UBE2D3: variants seen among roughly 807,000 people sequenced by gnomAD.
UBE2D3 encodes the protein ubiquitin conjugating enzyme E2 D3, also known as ubiquitin-conjugating enzyme E2 D3.
In UBE2D3, 2 loss-of-function variants were observed where a neutral mutation model predicts 22.8. The ratio of observed to expected loss-of-function variants is 0.09; its 90% CI spans 0.04 to 0.28. The LOEUF is 0.28. UBE2D3 is among the 10% of genes least tolerant of loss of function. The pLI, the probability that UBE2D3 is intolerant of heterozygous loss-of-function variation, is 1.00. For missense variants in UBE2D3, 27 were observed against 182.5 expected, an observed-to-expected ratio of 0.15 and a Z score of 4.91; for synonymous variants, 56 against 60.4, an observed-to-expected ratio of 0.93 and a Z score of 0.34.
chr4:102,807,900 A>T (rs1225588539), intron 4 of UBE2D3, among the ~76,000 whole-genome samples: 1 of 152,178 alleles, frequency 6.6e-6, no homozygotes, highest in Non-Finnish European at 1.5e-5. Context: ...CAAGCAGAAA[A>T]ACCAACTAGT....
At chr4:102,842,311 G>T (rs896184067) in intron 1 of UBE2D3, among the ~76,000 whole-genome samples, 1 of 151,866 alleles carries the variant, frequency 6.6e-6, no homozygotes, top group African/African-American at 2.4e-5. Flanking sequence ...ATTGCTTTGG[G>T]ATGCCAAAGC....
intron 1 of UBE2D3, among the ~76,000 whole-genome samples, chr4:102,848,921 C>CTG (rs147050383): frequency 0.085 from 12,172 of 142,630 alleles, 566 homozygotes; most frequent in Non-Finnish European, 0.11. Flanking sequence ...TTATGTGTGC[C>CTG]TGTGTGTGTG....
intron 1 of UBE2D3, among the ~76,000 whole-genome samples, chr4:102,851,912 C>T (rs1463336580): frequency 1.3e-5 from 2 of 152,124 alleles, no homozygotes; most frequent in Admixed American, 1.3e-4. Flanking sequence ...TCAGGTGATC[C>T]ACCCACCTCA....
At chr4:102,808,558 T>A (rs950755677) in intron 4 of UBE2D3, among the ~76,000 whole-genome samples, 2 of 152,210 alleles carry the variant, frequency 1.3e-5, no homozygotes, top group Non-Finnish European at 1.5e-5. Flanking sequence ...ACTAACATTT[T>A]AATTACTCTA....
chr4:102,812,724 T>C (rs1349779239), intron 2 of UBE2D3: 1 of 152,170 alleles, frequency 6.6e-6, no homozygotes, highest in African/African-American at 2.4e-5. Flanking sequence ...TGTAGCAGCA[T>C]GGAATAAAAT....
intron 4 of UBE2D3, among the ~76,000 whole-genome samples, chr4:102,802,888 CG>C (rs1726427444): frequency 6.6e-6 from 1 of 152,046 alleles, no homozygotes; most frequent in South Asian, 2.1e-4. Flanking sequence ...TATCCAGAAA[CG>C]CAAGTATTCT....
At chr4:102,843,358 TG>T (rs1300525515) in intron 1 of UBE2D3, 1 of 152,046 alleles carries the variant, frequency 6.6e-6, no homozygotes, top group Non-Finnish European at 1.5e-5. Flanking sequence ...CTGGAAGAGA[TG>T]TAACACCTGA....
At chr4:102,827,384 C>T in intron 1 of UBE2D3, 43 bp downstream of exon 1, 1 of 986,208 alleles carries the variant, frequency 1.0e-6, no homozygotes, top group Non-Finnish European at 1.2e-6. Context: ...GGCCACTGGG[C>T]CGGCCTCCCT....
chr4:102,830,012 CATT>C (rs1320690507), upstream of UBE2D3, among the ~76,000 whole-genome samples: 1 of 152,292 alleles, frequency 6.6e-6, no homozygotes, highest in East Asian at 1.9e-4. Context: ...ATCACAAACT[CATT>C]ATTGTTAGGC....
chr4:102,816,069 G>C (rs2110300728), intron 2 of UBE2D3, among the ~76,000 whole-genome samples: 1 of 152,296 alleles, frequency 6.6e-6, no homozygotes, highest in African/African-American at 2.4e-5. Flanking sequence ...AGTGAGAAAA[G>C]AGTAAGTCAT....
chr4:102,814,612 A>C (rs998045323), intron 2 of UBE2D3, among the ~76,000 whole-genome samples: 1 of 151,876 alleles, frequency 6.6e-6, no homozygotes, highest in African/African-American at 2.4e-5. Context: ...CTGCAGTCTT[A>C]CTTTTAATCT....
intron 1 of UBE2D3, among the ~76,000 whole-genome samples, chr4:102,864,853 A>T (rs1415632970): frequency 6.6e-6 from 1 of 152,222 alleles, no homozygotes; most frequent in Non-Finnish European, 1.5e-5. Context: ...GCAATGGAAG[A>T]GAATAAGCAA....
chr4:102,822,891 G>A (rs1393043099), intron 2 of UBE2D3, among the ~76,000 whole-genome samples: 5 of 147,096 alleles, frequency 3.4e-5, no homozygotes, highest in Non-Finnish European at 6.0e-5. Flanking sequence ...AGCTGAGATC[G>A]CGCCACTGCA....
chr4:102,830,221 C>G (rs893979292), upstream of UBE2D3, among the ~76,000 whole-genome samples: 2 of 151,868 alleles, frequency 1.3e-5, no homozygotes, highest in African/African-American at 4.9e-5. Flanking sequence ...CCTGTTGTTA[C>G]AGAGAGCCCA....
rs1729271962 is a variant in UBE2D3, at chr4:102,819,604, T to C, written c.24+6881A>G. On this transcript the variant is annotated intron_variant, in intron 2 of 7. Coordinates refer to ENST00000453744, the MANE Select transcript of UBE2D3 (RefSeq NM_181891.3). ...AAAGCGTAACGCCATAAATAACTTA[T>C]TCTAGGTTTCATCCCCCCAAGGCTT... The C allele has an allele frequency of 5.1e-6, 5 of 985,290 alleles. No individual in the cohort carries two copies. In the African/African-American group the frequency reaches 8.7e-5, roughly 17 times the overall value. The allele number at this position is 985,290 out of a possible 1,614,324, so 61.0% of individuals were successfully genotyped here. A position where few individuals can be genotyped will look rare whatever the true frequency, so the allele number is the denominator to read the frequency against.
At chr4:102,867,092 C>G (rs1221839515) in intron 1 of UBE2D3, among the ~76,000 whole-genome samples, 1 of 152,174 alleles carries the variant, frequency 6.6e-6, no homozygotes, top group Non-Finnish European at 1.5e-5. Context: ...TGTATCTAAA[C>G]GTGTTTGTAG....
chr4:102,804,328 A>T (rs922985077), intron 4 of UBE2D3, among the ~76,000 whole-genome samples: 8 of 151,760 alleles, frequency 5.3e-5, no homozygotes, highest in Middle Eastern at 3.2e-3. Flanking sequence ...GTGCCCAGCT[A>T]ATTTTTTATT....
intron 2 of UBE2D3, among the ~76,000 whole-genome samples, chr4:102,824,778 C>T (rs1359249273): frequency 6.6e-6 from 1 of 152,188 alleles, no homozygotes; most frequent in East Asian, 1.9e-4. Context: ...CTAATTCCAA[C>T]AGAAAAGATT....
chr4:102,803,998 T>G (rs893396343), intron 4 of UBE2D3, among the ~76,000 whole-genome samples: 1 of 152,124 alleles, frequency 6.6e-6, no homozygotes, highest in African/African-American at 2.4e-5. Context: ...TGCGGCCTCC[T>G]GACCTTGTGA....
Sources: gnomAD v4.1 joint callset for allele counts (sites outside exome capture counted in the v4.1 genomes callset) on GRCh38, gnomAD v4.1.1 for gene constraint, MANE v1.5 for transcripts, NCBI Gene and HGNC (gene_info 2026-07-23, HGNC 2026-07-21) for gene names.